Variants in ASH1L observed in about 807,000 individuals in gnomAD.
ASH1L encodes ASH1 like histone lysine methyltransferase.
In ASH1L, 23 loss-of-function variants were observed where a neutral mutation model predicts 269.0. The ratio of observed to expected loss-of-function variants is 0.09; its 90% CI spans 0.06 to 0.12. ASH1L has a LOEUF of 0.12. ASH1L is among the 10% of genes least tolerant of loss of function. The pLI is 1.00. For synonymous variants in ASH1L, 1,187 were observed against 1,253.5 expected, an observed-to-expected ratio of 0.95 and a Z score of 1.12; for missense variants, 2,912 against 3,567.8, an observed-to-expected ratio of 0.82 and a Z score of 4.68.
At chr1:155,359,158 C>T (rs571257918) in intron 13 of ASH1L, among the ~76,000 whole-genome samples, 43 of 152,226 alleles carry the variant, frequency 2.8e-4, no homozygotes, top group African/African-American at 9.6e-4. Context: ...GAAGGGGTCC[C>T]GTTCTGTGGC....
intron 1 of ASH1L, among the ~76,000 whole-genome samples, chr1:155,533,755 G>A (rs1377447945): frequency 1.3e-5 from 2 of 150,542 alleles, no homozygotes; most frequent in Admixed American, 6.6e-5. Context: ...CTTTAGTCTC[G>A]ATCTTATTAT....
chr1:155,362,619 T>C (rs1043086567), intron 12 of ASH1L, among the ~76,000 whole-genome samples: 5 of 152,156 alleles, frequency 3.3e-5, no homozygotes, highest in African/African-American at 9.7e-5. Flanking sequence ...AAGTTTCAAA[T>C]TGACATTGTG....
chr1:155,449,180 C>A (rs180956062), intron 4 of ASH1L, among the ~76,000 whole-genome samples: 1 of 152,060 alleles, frequency 6.6e-6, no homozygotes, highest in Non-Finnish European at 1.5e-5. Context: ...ATGATCCACT[C>A]GCCTTGGCCT....
chr1:155,562,395 TC>T lies in ASH1L; in HGVS notation c.-343del, dbSNP rs1223327267. 6.0e-6 allele frequency: 9 copies of T among 1,498,766 alleles called. No homozygotes were observed. The East Asian group carries it at 9.8e-5, about 16-fold the overall frequency. The allele number at this position is 1,498,766 out of a possible 1,614,324, so 92.8% of individuals were successfully genotyped here. On this transcript the variant is annotated 5_prime_UTR_variant, in exon 1 of 28. Coordinates refer to ENST00000392403, the MANE Select transcript of ASH1L (RefSeq NM_018489.3). ...CAACCGAGACTGGGATCGTCTCCCC[TC>T]CGCAAAGCGAACCCAAAATGGCGGC...
chr1:155,459,845 A>T lies in ASH1L; in HGVS notation c.5038T>A (p.Cys1680Ser). 1.9e-6 allele frequency: 3 copies of T among 1,613,054 alleles called. No individual in the cohort carries two copies. The highest frequency in any genetic ancestry group is 2.5e-6 in the Non-Finnish European group (3 of 1,179,640). Residue 1680 changes from cysteine (C) to serine (S), a missense_variant, in exon 4 of 28, where the codon TGT becomes AGT. Physicochemically the swap from Cys to Ser is moderately radical, Grantham distance 112. This residue lies in a region of ASH1L where 789 missense variants were observed against 897.6 expected (regional missense o/e 0.88). Transcript: ENST00000392403. ...PSQRPSESTN[C>S]SPTRKRSSSE... is the part of the protein sequence containing the mutation. ...GAAGACCTTTTCCGGGTAGGGCTAC[A>T]ATTTGTGCTCTCTGATGGCCGCTGG...
chr1:155,523,316 A>G (rs1340454582), intron 1 of ASH1L, among the ~76,000 whole-genome samples: 2 of 152,068 alleles, frequency 1.3e-5, no homozygotes, highest in African/African-American at 2.4e-5. Context: ...GCAACATGGC[A>G]AAATCCTGTC....
intron 1 of ASH1L, among the ~76,000 whole-genome samples, chr1:155,532,245 A>C (rs1426608802): frequency 1.3e-5 from 2 of 152,222 alleles, no homozygotes; most frequent in East Asian, 1.9e-4. Context: ...ACAGCATTAA[A>C]TACTTTTGCA....
At chr1:155,534,729 G>A (rs1332273613) in intron 1 of ASH1L, among the ~76,000 whole-genome samples, 2 of 152,176 alleles carry the variant, frequency 1.3e-5, no homozygotes, top group Admixed American at 6.6e-5. Context: ...GCTATATACA[G>A]AGGGAGGCAG....
chr1:155,359,292 T>C (rs1273750721), intron 13 of ASH1L, among the ~76,000 whole-genome samples: 1 of 152,134 alleles, frequency 6.6e-6, no homozygotes, highest in African/African-American at 2.4e-5. Context: ...TCTCCCTTTT[T>C]TCTTTTTTTG....
chr1:155,493,141 A>G (rs2148770275), intron 2 of ASH1L, among the ~76,000 whole-genome samples: 1 of 152,318 alleles, frequency 6.6e-6, no homozygotes, highest in South Asian at 2.1e-4. Flanking sequence ...AAAGTGCACA[A>G]TTCAGTGGGT....
Position 155,438,694 on chromosome 1 carries a change from T to G in ASH1L, c.5461A>C (p.Lys1821Gln). 1 of 1,614,154 alleles carries G rather than the reference T, an allele frequency of 6.2e-7. No homozygotes were observed. Among genetic ancestry groups the G allele is most frequent in the Non-Finnish European group, 8.5e-7 (1 of 1,180,044 alleles). Residue 1821 changes from lysine to glutamine, a missense_variant, in exon 5 of 28, where the codon AAA becomes CAA. Transcript: ENST00000392403. ...CNYDKILATK[K>Q]NLDHVNKILK... ...ATTTTATTGACATGGTCTAGGTTTT[T>G]CTTTGTGGCCAAGATTTTGTCGTAA...
At chr1:155,348,583 C>T (rs1350399910) in intron 19 of ASH1L, among the ~76,000 whole-genome samples, 1 of 152,052 alleles carries the variant, frequency 6.6e-6, no homozygotes, top group Non-Finnish European at 1.5e-5. Flanking sequence ...TCAATTCCAT[C>T]CTCAAGATAT....
chr1:155,515,687 G>T (rs1331060983), intron 2 of ASH1L, among the ~76,000 whole-genome samples: 1 of 151,786 alleles, frequency 6.6e-6, no homozygotes, highest in African/African-American at 2.4e-5. Context: ...AATTAGCCAG[G>T]TATGGTGGCA....
chr1:155,441,422 G>GTAT lies in ASH1L; in HGVS notation c.5087-2357_5087-2355dup, dbSNP rs574886092. Among the ~76,000 whole-genome samples the GTAT allele has an allele frequency of 3.9e-3, 532 of 134,884 alleles. 2 individuals are homozygous for GTAT. The highest frequency in any genetic ancestry group is 0.014 in the African/African-American group (507 of 36,780). 88.5% of individuals were successfully genotyped at this position (134,884 alleles called of 152,430 possible). ...CTGCTGAGGTCACAGCCAACAACCA[G>GTAT]TATCAACCACCAGATATTTGAATAA... On this transcript the variant is annotated intron_variant, in intron 4 of 27. Coordinates refer to ENST00000392403, the MANE Select transcript of ASH1L (RefSeq NM_018489.3).
chr1:155,438,773 A>G lies in ASH1L; in HGVS notation c.5382T>C (p.His1794=). Residue 1794 remains histidine (H), a synonymous_variant, in exon 5 of 28, where the codon CAT becomes CAC. Transcript: ENST00000392403. ...EKLTSSCSPH[H]IKRSVVEAMQ... is the part of the protein sequence containing the mutation. ...TAGCTTCCACTACACTTCTCTTGAT[A>G]TGATGGGGGGAACAGCTGCTTGTCA... 1 of 1,614,202 alleles carries G rather than the reference A, an allele frequency of 6.2e-7. No homozygotes were observed. Among genetic ancestry groups the G allele is most frequent in the Non-Finnish European group, 8.5e-7 (1 of 1,180,042 alleles).
chr1:155,418,218 G>C (rs138725327), intron 5 of ASH1L, among the ~76,000 whole-genome samples: 9 of 152,056 alleles, frequency 5.9e-5, no homozygotes, highest in African/African-American at 2.2e-4. Flanking sequence ...AAATCACAAA[G>C]ATAGAAAAGA....
At chr1:155,432,002 C>T (rs991590885) in intron 5 of ASH1L, among the ~76,000 whole-genome samples, 2 of 152,002 alleles carry the variant, frequency 1.3e-5, no homozygotes, top group Non-Finnish European at 2.9e-5. Flanking sequence ...CTAGGTTTTC[C>T]GAGTCTAGAA....
intron 1 of ASH1L, among the ~76,000 whole-genome samples, chr1:155,532,839 T>TTATA (rs940442958): frequency 7.0e-6 from 1 of 143,346 alleles, no homozygotes; most frequent in African/African-American, 2.6e-5. Context: ...AAAAAAAAAA[T>TTATA]TATATATATA....
chr1:155,532,653 T>A (rs181625154), intron 1 of ASH1L, among the ~76,000 whole-genome samples: 10 of 151,894 alleles, frequency 6.6e-5, no homozygotes, highest in African/African-American at 2.4e-4. Flanking sequence ...TGAAACTCCA[T>A]CTCTACTAAA....
Sources: gnomAD v4.1 joint callset for allele counts (sites outside exome capture counted in the v4.1 genomes callset) on GRCh38, gnomAD v4.1.1 for gene constraint, gnomAD v4.1.1 regional missense constraint, MANE v1.5 for transcripts, NCBI Gene and HGNC (gene_info 2026-07-23, HGNC 2026-07-21) for gene names.